TENM3: variants seen among roughly 807,000 people sequenced by gnomAD.
TENM3 encodes the protein teneurin transmembrane protein 3.
TENM3 carries 63 observed loss-of-function variants against 255.1 expected under a neutral mutation model. The ratio of observed to expected loss-of-function variants is 0.25; its 90% CI spans 0.20 to 0.30. The LOEUF is 0.30. Among genes scored for constraint, TENM3 ranks in the 10% least tolerant of loss-of-function variants. The pLI, the probability that TENM3 is intolerant of heterozygous loss-of-function variation, is 1.00. For synonymous variants in TENM3, 1,306 were observed against 1,322.3 expected, an observed-to-expected ratio of 0.99 and a Z score of 0.27; for missense variants, 2,929 against 3,461.1, an observed-to-expected ratio of 0.85 and a Z score of 3.86.
the TENM3 span, among the ~76,000 whole-genome samples, chr4:182,043,511 A>G: frequency 6.6e-6 from 1 of 152,182 alleles, no homozygotes; most frequent in Non-Finnish European, 1.5e-5. Context: ...TGCTCTGCTG[A>G]TATTTTCCTC....
the TENM3 span, among the ~76,000 whole-genome samples, chr4:182,136,284 GA>G: frequency 1.3e-5 from 2 of 152,118 alleles, no homozygotes; most frequent in African/African-American, 4.8e-5. Context: ...TCTTTCAAGG[GA>G]AAAATTCTTG....
chr4:182,080,696 T>C, the TENM3 span, among the ~76,000 whole-genome samples: 1 of 152,134 alleles, frequency 6.6e-6, no homozygotes, highest in Non-Finnish European at 1.5e-5. Flanking sequence ...GAACATTCAA[T>C]TCAAAGTTGG....
the TENM3 span, among the ~76,000 whole-genome samples, chr4:182,007,679 T>C: frequency 3.9e-5 from 6 of 152,220 alleles, no homozygotes; most frequent in Non-Finnish European, 7.3e-5. Context: ...TCTTATCCAA[T>C]TTGCCAGTCT....
the TENM3 span, among the ~76,000 whole-genome samples, chr4:181,923,605 T>G: frequency 6.6e-6 from 1 of 152,036 alleles, no homozygotes; most frequent in African/African-American, 2.4e-5. Flanking sequence ...ACCAAGTAAA[T>G]CAAGATGTAA....
the TENM3 span, among the ~76,000 whole-genome samples, chr4:182,095,294 G>A: frequency 6.6e-6 from 1 of 152,156 alleles, no homozygotes; most frequent in African/African-American, 2.4e-5. Flanking sequence ...ATCAACAGAT[G>A]AACCGATAAA....
At position 182,623,227 on chromosome 4, in the gene TENM3, A is replaced by C. The variant is rs532307140; in HGVS notation, c.750-5424A>C. On this transcript the variant is annotated intron_variant, in intron 4 of 27. Coordinates refer to ENST00000511685, the MANE Select transcript of TENM3 (RefSeq NM_001080477.4). ...ACGGGGTTTCACTGTATTAGCCAAG[A>C]TGGTCTCGATTTCCTGACCTTGTGA... is the stretch of plus-strand genomic sequence containing the variant. 2.5e-3 allele frequency among the ~76,000 whole-genome samples: 378 copies of C among 151,674 alleles called. 1 individual carries two copies. The highest frequency in any genetic ancestry group is 8.8e-3 in the African/African-American group (364 of 41,318).
chr4:181,479,707 A>C, the TENM3 span, among the ~76,000 whole-genome samples: 1 of 152,176 alleles, frequency 6.6e-6, no homozygotes, highest in East Asian at 1.9e-4. Flanking sequence ...CTGAAAAGAT[A>C]AACATCTTTT....
intron 4 of TENM3, among the ~76,000 whole-genome samples, chr4:182,615,151 G>A (rs981873697): frequency 2.0e-5 from 3 of 149,158 alleles, no homozygotes; most frequent in Admixed American, 6.8e-5. Flanking sequence ...GTGCTTACAC[G>A]TTACATTTAA....
the TENM3 span, among the ~76,000 whole-genome samples, chr4:181,742,286 A>G: frequency 6.7e-6 from 1 of 148,512 alleles, no homozygotes; most frequent in Non-Finnish European, 1.5e-5. Context: ...ACATGGTTAG[A>G]AAAAAAATAC....
the TENM3 span, among the ~76,000 whole-genome samples, chr4:182,129,234 A>G: frequency 6.6e-6 from 1 of 152,234 alleles, no homozygotes; most frequent in South Asian, 2.1e-4. Context: ...TTAAGTATAA[A>G]TGATTTGAAT....
the TENM3 span, among the ~76,000 whole-genome samples, chr4:181,710,663 A>G: frequency 6.6e-6 from 1 of 152,120 alleles, no homozygotes; most frequent in Admixed American, 6.5e-5. Context: ...CAGAGTTTGC[A>G]GTGAGCTGAG....
the TENM3 span, among the ~76,000 whole-genome samples, chr4:181,992,167 A>G: frequency 3.3e-5 from 5 of 152,136 alleles, no homozygotes; most frequent in Admixed American, 6.6e-5. Context: ...TTTTGAACGG[A>G]AATAACAGGC....
chr4:181,650,720 G>C, the TENM3 span, among the ~76,000 whole-genome samples: 1 of 152,164 alleles, frequency 6.6e-6, no homozygotes, highest in Non-Finnish European at 1.5e-5. Context: ...CTTTCTAGAA[G>C]AGCTACAGCA....
the TENM3 span, among the ~76,000 whole-genome samples, chr4:181,987,840 G>A: frequency 3.9e-5 from 6 of 151,932 alleles, no homozygotes; most frequent in African/African-American, 1.4e-4. Flanking sequence ...TGTAATAAGG[G>A]CAGAAGGAGG....
the TENM3 span, among the ~76,000 whole-genome samples, chr4:182,062,043 G>T: frequency 6.6e-6 from 1 of 152,072 alleles, no homozygotes; most frequent in Non-Finnish European, 1.5e-5. Flanking sequence ...AACATAAGGA[G>T]GATGTCCTTA....
chr4:182,546,431 AT>A (rs11424959), intron 3 of TENM3, among the ~76,000 whole-genome samples: 9 of 150,890 alleles, frequency 6.0e-5, no homozygotes, highest in South Asian at 2.1e-4. Context: ...GACATTTACC[AT>A]TTTTTTTTGT....
intron 3 of TENM3, among the ~76,000 whole-genome samples, chr4:182,464,511 C>A (rs1236809144): frequency 2.0e-5 from 3 of 152,214 alleles, no homozygotes; most frequent in Admixed American, 6.5e-5. Flanking sequence ...CCCATCTCTG[C>A]CTCCCAAAGT....
intron 3 of TENM3, among the ~76,000 whole-genome samples, chr4:182,456,788 T>C (rs1026456010): frequency 1.3e-5 from 2 of 152,172 alleles, no homozygotes; most frequent in East Asian, 1.9e-4. Context: ...GACTGACAAA[T>C]GTTTTGCCGT....
chr4:181,734,378 T>C, the TENM3 span, among the ~76,000 whole-genome samples: 3 of 152,090 alleles, frequency 2.0e-5, no homozygotes, highest in South Asian at 6.2e-4. Context: ...TAAAAATTAA[T>C]TGAATAAATA....
Sources: gnomAD v4.1 joint callset for allele counts (sites outside exome capture counted in the v4.1 genomes callset) on GRCh38, gnomAD v4.1.1 for gene constraint, MANE v1.5 for transcripts, NCBI Gene and HGNC (gene_info 2026-07-23, HGNC 2026-07-21) for gene names.